The following CSPG4 variants were observed in gnomAD, a reference collection of about 807,000 sequenced individuals.
CSPG4 encodes the protein chondroitin sulfate proteoglycan 4 (melanoma-associated).
In CSPG4, 74 loss-of-function variants were observed where a neutral mutation model predicts 139.3. That is an observed-to-expected ratio of 0.53 (90% confidence interval 0.44 to 0.64). The LOEUF (loss-of-function observed/expected upper bound fraction) is 0.64. Ranked by LOEUF, CSPG4 falls within the 30% of genes least tolerant of loss-of-function variation. CSPG4 has a pLI of 0.00. For missense variants in CSPG4, 2,565 were observed against 3,148.3 expected, an observed-to-expected ratio of 0.81 and a Z score of 4.43; for synonymous variants, 1,234 against 1,394.2, an observed-to-expected ratio of 0.89 and a Z score of 2.56.
Position 75,676,536 on chromosome 15 carries a change from G to A in CSPG4, c.5983C>T (p.Arg1995Trp), listed in dbSNP as rs529993656. ...AATTGGCTGAAGGCCGAGGTGGGCC[G>A]CCCGCCCACCAGGAGATGCCCATAC... ...PQYGHLLVGG[R>W]PTSAFSQFQI... Residue 1995 changes from arginine (R) to tryptophan (W), a missense_variant, in exon 10 of 10, where the codon CGG (arginine) becomes TGG (tryptophan). Physicochemically the swap from Arg to Trp is moderately radical, Grantham distance 101 (BLOSUM62 -3). Coordinates refer to ENST00000308508, the MANE Select transcript of CSPG4 (RefSeq NM_001897.5). 16 of 1,613,704 alleles carry A rather than the reference G, an allele frequency of 9.9e-6. No individual in the cohort carries two copies. Among genetic ancestry groups the A allele is most frequent in the East Asian group, 6.7e-5 (3 of 44,874 alleles).
intron 1 of CSPG4, among the ~76,000 whole-genome samples, chr15:75,706,390 TGTGTATGTGTGA>T (rs1198931083): frequency 1.3e-5 from 2 of 151,546 alleles, no homozygotes; most frequent in Non-Finnish European, 2.9e-5. Context: ...TGTGTGTGAG[TGTGTATGTGTGA>T]GTGTATGTAT....
chr15:75,678,506 C>T (rs1455623331), intron 8 of CSPG4: 7 of 382,892 alleles, frequency 1.8e-5, no homozygotes, highest in African/African-American at 8.4e-5. Flanking sequence ...GCACATGCCA[C>T]CACACCCAGC....
Position 75,674,615 on chromosome 15 carries a change from C to T in CSPG4, c.*935G>A, listed in dbSNP as rs1459457108. The T allele has an allele frequency of 7.5e-6, 3 of 398,196 alleles. No homozygotes were observed. Among genetic ancestry groups the T allele is most frequent in the African/African-American group, 4.1e-5 (2 of 48,596 alleles). The allele number at this position is 398,196 out of a possible 1,614,324, so 24.7% of individuals were successfully genotyped here. A position where few individuals can be genotyped will look rare whatever the true frequency, so the allele number is the denominator to read the frequency against. On this transcript the variant is annotated 3_prime_UTR_variant, in exon 10 of 10. Coordinates refer to ENST00000308508, the MANE Select transcript of CSPG4 (RefSeq NM_001897.5). ...GTGCATAGTTAAGACACAAACACCA[C>T]ACAGCTGTCCAGAGCCTCCAAAGCA...
In CSPG4 at chr15:75,698,310, G is replaced by C. The variant is rs1894253993; in HGVS notation, c.89-5077C>G. On this transcript the variant is annotated intron_variant, in intron 1 of 9. Transcript: ENST00000308508. This position sits in a 1 kb window ranked among gnomAD's most constrained non-coding sequence, Gnocchi z 4.3. ...GGGCTCTCTGTCTCCCCTCATAGGT[G>C]TGTATGTGGTGGGGCGGGGGGTGGT... Among the ~76,000 whole-genome samples the C allele has an allele frequency of 6.6e-6, 1 of 151,104 alleles. No homozygotes were observed. The highest frequency in any genetic ancestry group is 2.4e-5 in the African/African-American group (1 of 40,984).
At chr15:75,697,313 C>T (rs1894240891) in intron 1 of CSPG4, among the ~76,000 whole-genome samples, 1 of 151,956 alleles carries the variant, frequency 6.6e-6, no homozygotes, top group African/African-American at 2.4e-5. Context: ...TCCCTGGGCA[C>T]ATCACCCTTT....
In CSPG4 at chr15:75,699,136, T is replaced by A. The variant is rs117136175; in HGVS notation, c.89-5903A>T. Among the ~76,000 whole-genome samples the A allele has an allele frequency of 4.6e-3, 698 of 152,298 alleles. 21 individuals carry two copies. The East Asian group carries it at 0.091, about 20-fold the overall frequency. On this transcript the variant is annotated intron_variant, in intron 1 of 9. Coordinates refer to ENST00000308508, the MANE Select transcript of CSPG4 (RefSeq NM_001897.5). Reference sequence around the variant, plus strand: ...GAAATGCGGACAACAGTAGGTTAGTTCCAAATCCCATGGAGCTTACAACAG... The same window carrying A: ...GAAATGCGGACAACAGTAGGTTAGTACCAAATCCCATGGAGCTTACAACAG...
At position 75,676,340 on chromosome 15, in the gene CSPG4, G is replaced by A. The variant is rs572735955; in HGVS notation, c.6179C>T (p.Thr2060Ile). 2 of 1,612,718 alleles carry A rather than the reference G, an allele frequency of 1.2e-6. No individual in the cohort carries two copies. The highest frequency in any genetic ancestry group is 1.7e-6 in the Non-Finnish European group (2 of 1,179,940). The change falls in exon 10 of 10, where the codon ACC becomes ATC. Residue 2060 changes from threonine (T) to isoleucine (I), a missense_variant. Around this residue, in one of 5 missense-constraint regions of CSPG4, gnomAD observed 2,316 missense variants for 2,818.2 expected, o/e 0.82. Transcript: ENST00000308508. ...WAGGPWPQGA[T>I]LRLDPTVLDA... ...TAGGACGGTGGGGTCCAGGCGCAGG[G>A]TGGCACCCTGGGGCCATGGCCCACC... is the stretch of plus-strand genomic sequence containing the variant.
At chr15:75,701,827 G>A (rs1040968854) in intron 1 of CSPG4, among the ~76,000 whole-genome samples, 1 of 152,074 alleles carries the variant, frequency 6.6e-6, no homozygotes, top group South Asian at 2.1e-4. Context: ...CAGCTGGCTC[G>A]CCAGCCCCGT....
At chr15:75,683,811 C>T (rs906797620) in intron 5 of CSPG4, among the ~76,000 whole-genome samples, 1 of 152,222 alleles carries the variant, frequency 6.6e-6, no homozygotes, top group African/African-American at 2.4e-5. Context: ...CCCCAGGGAG[C>T]CCTCAGGCCC....
rs1184934970 is a variant in CSPG4 at position 75,685,543 on chromosome 15, G to T, written c.3948C>A (p.Gly1316=). The part of the protein sequence containing the change: ...QSFSQEAVDT[G]RVLYLHSRPE... The stretch of plus-strand genomic sequence containing the variant: ...GGCGGGAGTGCAGGTACAGGACCCT[G>T]CCTGTGTCCACTGCCTCCTGGGAGA... Residue 1316 remains glycine, a synonymous_variant, in exon 4 of 10, where the codon GGC becomes GGA. Coordinates refer to ENST00000308508, the MANE Select transcript of CSPG4 (RefSeq NM_001897.5). The T allele has an allele frequency of 1.2e-6, 2 of 1,607,028 alleles. No homozygotes were observed. Among genetic ancestry groups the T allele is most frequent in the Non-Finnish European group, 8.5e-7 (1 of 1,177,950 alleles).
At chr15:75,700,023 C>T (rs563736373) in intron 1 of CSPG4, among the ~76,000 whole-genome samples, 3 of 152,146 alleles carry the variant, frequency 2.0e-5, no homozygotes, top group African/African-American at 4.8e-5. Flanking sequence ...GCCTGCACAG[C>T]CCCCCAGCCC....
chr15:75,681,660 A>G (rs183430290), intron 8 of CSPG4, among the ~76,000 whole-genome samples: 3 of 152,332 alleles, frequency 2.0e-5, no homozygotes, highest in Admixed American at 1.3e-4. Flanking sequence ...TGTTCATTTA[A>G]GTGATGACTG....
chr15:75,676,633 G>A lies in CSPG4; in HGVS notation c.5886C>T (p.Ser1962=). The change falls in exon 10 of 10, where the codon AGC becomes AGT. Residue 1962 remains serine, a synonymous_variant. Coordinates refer to ENST00000308508, the MANE Select transcript of CSPG4 (RefSeq NM_001897.5). ...CTGAAACCACCCGGAGCTGCTGCTG[G>A]CTCAGTGAGGAGCGCCCCAAAGCTT... ...VPQALGRSSL[S]QQQLRVVSDR... The A allele has an allele frequency of 6.9e-6, 11 of 1,603,972 alleles. No individual in the cohort carries two copies. The highest frequency in any genetic ancestry group is 9.4e-6 in the Non-Finnish European group (11 of 1,174,474).
At chr15:75,677,678 C>T (rs1020919083) in intron 9 of CSPG4, 25 bp downstream of exon 9, 27 of 1,572,290 alleles carry the variant, frequency 1.7e-5, no homozygotes, top group Non-Finnish European at 2.0e-5. Context: ...TCCCCACAAT[C>T]TTGCCAGCTT....
chr15:75,699,239 C>A (rs1391380112), intron 1 of CSPG4, among the ~76,000 whole-genome samples: 1 of 152,220 alleles, frequency 6.6e-6, no homozygotes, highest in African/African-American at 2.4e-5. Context: ...TGACTGCCTC[C>A]ACGTCTAAAT....
At chr15:75,680,761 G>A (rs529890738) in intron 8 of CSPG4, 1 of 153,722 alleles carries the variant, frequency 6.5e-6, no homozygotes, top group South Asian at 2.1e-4. Context: ...CCACGAGCCT[G>A]TTTCCTTATC....
Position 75,689,968 on chromosome 15 carries a change from C to T in CSPG4, c.1097G>A (p.Gly366Glu). 1 of 1,611,932 alleles carries T rather than the reference C, an allele frequency of 6.2e-7. No individual in the cohort carries two copies. The highest frequency in any genetic ancestry group is 1.1e-5 in the South Asian group (1 of 90,864). The stretch of plus-strand genomic sequence containing the variant: ...GCGCGTCAGCAAAGCTTCCCGCAGC[C>T]CCCGCCTCTGGCCATTGACACTGAG... Reference protein sequence around the residue: ...EDLSVNGQRRGLREALLTRNM... With the variant: ...EDLSVNGQRRELREALLTRNM... Residue 366 changes from glycine (G) to glutamate (E), a missense_variant, in exon 3 of 10, where the codon GGG (glycine) becomes GAG (glutamate). Coordinates refer to ENST00000308508, the MANE Select transcript of CSPG4 (RefSeq NM_001897.5).
intron 5 of CSPG4, 139 bp downstream of exon 5, chr15:75,684,597 C>T (rs573315713): frequency 1.6e-5 from 12 of 756,378 alleles, no homozygotes; most frequent in Admixed American, 7.9e-5. Flanking sequence ...CCAACAACCC[C>T]GTGAGGCATG....
Position 75,687,494 on chromosome 15 carries a change from C to G in CSPG4, c.3571G>C (p.Asp1191His). The change falls in exon 3 of 10, where the codon GAC (aspartate) becomes CAC (histidine). Residue 1191 changes from aspartate to histidine, a missense_variant. Asp to His is a moderately conservative substitution (Grantham distance 81). Transcript: ENST00000308508. This position sits in a 1 kb window ranked among gnomAD's most constrained non-coding sequence, Gnocchi z 5.4. The stretch of plus-strand genomic sequence containing the variant: ...TAGAGAACGGCCCCATCCAGCAGGT[C>G]CTGCTGGGAGAAGGCTGTGGCTGGC... ...GQPATAFSQQ[D>H]LLDGAVLYSH... The G allele has an allele frequency of 2.5e-6, 4 of 1,612,478 alleles. No homozygotes were observed. Among genetic ancestry groups the G allele is most frequent in the Non-Finnish European group, 3.4e-6 (4 of 1,179,702 alleles).
Sources: gnomAD v4.1 joint callset for allele counts (sites outside exome capture counted in the v4.1 genomes callset) on GRCh38, gnomAD v4.1.1 for gene constraint, gnomAD v4.1.1 regional missense constraint, Gnocchi (gnomAD v3.1) non-coding constraint, MANE v1.5 for transcripts, NCBI Gene and HGNC (gene_info 2026-07-23, HGNC 2026-07-21) for gene names.